MYO18B: variants seen among roughly 807,000 people sequenced by gnomAD.
MYO18B encodes the protein unconventional myosin-XVIIIb.
Under a neutral mutation model 273.0 loss-of-function variants are expected in MYO18B, and 204 were observed. That is an observed-to-expected ratio of 0.75 (90% confidence interval 0.67 to 0.84). The LOEUF is 0.84. Ranked by LOEUF, MYO18B falls within the 40% of genes least tolerant of loss-of-function variation. The pLI, the probability that MYO18B is intolerant of heterozygous loss-of-function variation, is 0.00. For synonymous variants in MYO18B, 1,330 were observed against 1,305.7 expected, an observed-to-expected ratio of 1.02 and a Z score of -0.40; for missense variants, 3,212 against 3,287.6, an observed-to-expected ratio of 0.98 and a Z score of 0.56.
At chr22:25,921,824 G>T (rs2092350681) in intron 34 of MYO18B, among the ~76,000 whole-genome samples, 1 of 75,888 alleles carries the variant, frequency 1.3e-5, no homozygotes, top group African/African-American at 4.5e-5. Flanking sequence ...TAGTGTGTGT[G>T]TGTGTGTGTG....
intron 1 of MYO18B, among the ~76,000 whole-genome samples, chr22:25,746,936 A>T (rs2085796561): frequency 6.6e-6 from 1 of 152,148 alleles, no homozygotes; most frequent in African/African-American, 2.4e-5. Flanking sequence ...CCTGGCTAAC[A>T]CGGTGAAACC....
At chr22:25,869,850 G>A (rs2090999623) in intron 22 of MYO18B, among the ~76,000 whole-genome samples, 1 of 152,172 alleles carries the variant, frequency 6.6e-6, no homozygotes, top group South Asian at 2.1e-4. Flanking sequence ...GTATATGGCG[G>A]AACCTGTTAT....
Position 25,768,804 on chromosome 22 carries a change from G to A in MYO18B, c.888G>A (p.Gly296=). The A allele has an allele frequency of 6.2e-7, 1 of 1,610,578 alleles. No individual in the cohort carries two copies. The highest frequency in any genetic ancestry group is 8.5e-7 in the Non-Finnish European group (1 of 1,178,370). The change falls in exon 4 of 44, where the codon GGG becomes GGA. Residue 296 remains glycine, a synonymous_variant. Coordinates refer to ENST00000335473, the MANE Select transcript of MYO18B (RefSeq NM_032608.7). ...GAEPTNTVEK[G]NVSKDVGSEG... ...AGCCCACAAACACGGTGGAAAAGGGGAATGTCTCTAAGGACGTAGGGAGTG... is the reference window on the plus strand; with the variant it reads ...AGCCCACAAACACGGTGGAAAAGGGAAATGTCTCTAAGGACGTAGGGAGTG...
chr22:25,856,967 C>T (rs1291459900), intron 21 of MYO18B, among the ~76,000 whole-genome samples: 1 of 152,092 alleles, frequency 6.6e-6, no homozygotes, highest in Non-Finnish European at 1.5e-5. Flanking sequence ...CTCTAGGAAG[C>T]AGTGTCCTCT....
intron 34 of MYO18B, among the ~76,000 whole-genome samples, chr22:25,928,170 A>G (rs2092447625): frequency 6.6e-6 from 1 of 152,030 alleles, no homozygotes. Flanking sequence ...CAGTTCATGA[A>G]TGGTTTAGTG....
chr22:25,851,056 T>C (rs546904372), intron 20 of MYO18B, among the ~76,000 whole-genome samples: 1 of 152,292 alleles, frequency 6.6e-6, no homozygotes, highest in Admixed American at 6.5e-5. Context: ...TAATATGTGT[T>C]AGACAAAACA....
In MYO18B at chr22:25,772,360, C is replaced by T. The variant is rs371193611; in HGVS notation, c.1719C>T (p.Val573=). The T allele has an allele frequency of 8.1e-6, 13 of 1,613,838 alleles. No individual in the cohort carries two copies. Among genetic ancestry groups the T allele is most frequent in the African/African-American group, 2.7e-5 (2 of 75,014 alleles). The part of the protein sequence containing the change: ...HRANPPELDQ[V]EDLASLISVN... ...CCAACCCTCCTGAGCTGGACCAGGT[C>T]GAGGACCTGGCCTCTCTCATCAGTG... The change falls in exon 7 of 44, where the codon GTC becomes GTT. Residue 573 remains valine, a synonymous_variant. Transcript: ENST00000335473.
At chr22:25,850,765 C>T (rs927021136) in intron 20 of MYO18B, among the ~76,000 whole-genome samples, 1 of 152,110 alleles carries the variant, frequency 6.6e-6, no homozygotes, top group Admixed American at 6.5e-5. Flanking sequence ...AGACACCGTG[C>T]CCAGCCTTGG....
At chr22:25,952,977 T>G (rs548124845) in intron 38 of MYO18B, among the ~76,000 whole-genome samples, 1 of 152,292 alleles carries the variant, frequency 6.6e-6, no homozygotes, top group East Asian at 1.9e-4. Context: ...TACATAAATA[T>G]CTGTAATATG....
chr22:25,772,209 C>T (rs1667770222), intron 6 of MYO18B, 125 bp from the exon 7 acceptor site: 5 of 806,768 alleles, frequency 6.2e-6, no homozygotes, highest in African/African-American at 4.0e-5. Context: ...GTGCTCTGTT[C>T]TGGTCTTTGG....
Position 25,758,903 on chromosome 22 carries a change from C to T in MYO18B, c.-109-2081C>T, listed in dbSNP as rs528375831. Among the ~76,000 whole-genome samples the T allele has an allele frequency of 1.0e-3, 158 of 152,118 alleles. 1 individual carries two copies. The highest frequency in any genetic ancestry group is 2.8e-3 in the Admixed American group (43 of 15,296). On this transcript the variant is annotated intron_variant, in intron 1 of 43. Coordinates refer to ENST00000335473, the MANE Select transcript of MYO18B (RefSeq NM_032608.7). ...CTGAGTAGCTGGGACTATAGGCACC[C>T]GCCACCATGCCCGGCTAATTTTTTG...
At chr22:25,763,178 G>A in intron 2 of MYO18B, 53 bp from the exon 3 acceptor site, 2 of 1,608,414 alleles carry the variant, frequency 1.2e-6, no homozygotes, top group Non-Finnish European at 1.7e-6. Context: ...AGGGCAGCTT[G>A]CTCCTGCTGG....
At chr22:26,003,150 CAG>C (rs1934115080) in intron 40 of MYO18B, 113 bp from the exon 41 acceptor site, 8 of 941,368 alleles carry the variant, frequency 8.5e-6, no homozygotes, top group Admixed American at 2.0e-5. Context: ...TGAGATCACA[CAG>C]GGGCAAAGGT....
intron 42 of MYO18B, among the ~76,000 whole-genome samples, chr22:26,006,909 A>G (rs1022052590): frequency 6.6e-6 from 1 of 152,202 alleles, no homozygotes; most frequent in African/African-American, 2.4e-5. Flanking sequence ...CATGTTACAG[A>G]AGAGAAATCT....
At chr22:25,846,432 TG>T (rs2090248785) in intron 19 of MYO18B, 149 bp downstream of exon 19, 5 of 860,200 alleles carry the variant, frequency 5.8e-6, no homozygotes, top group Non-Finnish European at 8.7e-6. Flanking sequence ...GAGGAGGAAA[TG>T]GGGGCTCCCA....
At position 25,821,265 on chromosome 22, in the gene MYO18B, C is replaced by T. The variant is rs142547268; in HGVS notation, c.2522-2240C>T. 3.3e-5 allele frequency among the ~76,000 whole-genome samples: 5 copies of T among 151,106 alleles called. No individual in the cohort carries two copies. The East Asian group carries it at 7.7e-4, about 23-fold the overall frequency. ...TTCCTACTGCTCTCCATAGTTGCTGCACTAGTTTACATTCCCACCAACAAT... is the reference window on the plus strand; with the variant it reads ...TTCCTACTGCTCTCCATAGTTGCTGTACTAGTTTACATTCCCACCAACAAT... On this transcript the variant is annotated intron_variant, in intron 12 of 43. Coordinates refer to ENST00000335473, the MANE Select transcript of MYO18B (RefSeq NM_032608.7).
chr22:25,895,845 A>G (rs1328028955), intron 28 of MYO18B, among the ~76,000 whole-genome samples: 2 of 151,706 alleles, frequency 1.3e-5, no homozygotes, highest in Non-Finnish European at 2.9e-5. Context: ...TGTGTTTTGT[A>G]AATTTCGTTT....
chr22:26,030,179 TG>T (rs537023631), intron 43 of MYO18B, among the ~76,000 whole-genome samples: 2 of 152,178 alleles, frequency 1.3e-5, no homozygotes, highest in Non-Finnish European at 2.9e-5. Context: ...GAGACCAGCC[TG>T]GGCAACATAG....
intron 39 of MYO18B, among the ~76,000 whole-genome samples, chr22:25,980,111 G>A (rs9613059): frequency 0.051 from 7,780 of 152,204 alleles, 282 homozygotes; most frequent in Middle Eastern, 0.13. Flanking sequence ...CTGCCACCCC[G>A]TGACTGAGCA....
Sources: gnomAD v4.1 joint callset for allele counts (sites outside exome capture counted in the v4.1 genomes callset) on GRCh38, gnomAD v4.1.1 for gene constraint, MANE v1.5 for transcripts, NCBI Gene and HGNC (gene_info 2026-07-23, HGNC 2026-07-21) for gene names.